Variants in ME1 observed in about 807,000 individuals in gnomAD.
ME1 encodes the protein malic enzyme 1.
ME1 carries 74 observed loss-of-function variants against 66.4 expected under a neutral mutation model. The ratio of observed to expected loss-of-function variants is 1.11; its 90% CI spans 0.92 to 1.35. ME1 has a LOEUF of 1.35. Among genes scored for constraint, ME1 ranks in the 40% most tolerant of loss-of-function variants. ME1 has a pLI of 0.00. For synonymous variants in ME1, 251 were observed against 235.6 expected, an observed-to-expected ratio of 1.07 and a Z score of -0.60; for missense variants, 750 against 694.1, an observed-to-expected ratio of 1.08 and a Z score of -0.90.
chr6:83,386,543 C>T (rs962390210), intron 3 of ME1, among the ~76,000 whole-genome samples: 1 of 151,936 alleles, frequency 6.6e-6, no homozygotes, highest in Non-Finnish European at 1.5e-5. Context: ...TGAAAAAAGG[C>T]TAGCTCCACA....
chr6:83,259,060 C>T lies in ME1; in HGVS notation c.705-5322G>A, dbSNP rs542912432. On this transcript the variant is annotated intron_variant, in intron 6 of 13. Coordinates refer to ENST00000369705, the MANE Select transcript of ME1 (RefSeq NM_002395.6). Reference sequence around the variant, plus strand: ...AACATGAATCTTTCTTTGATTATAACTGATCAAGAATTCACTGTAACCAGG... The same window carrying T: ...AACATGAATCTTTCTTTGATTATAATTGATCAAGAATTCACTGTAACCAGG... 5.9e-5 allele frequency among the ~76,000 whole-genome samples: 9 copies of T among 152,238 alleles called. No individual in the cohort carries two copies. In the South Asian group the frequency reaches 1.9e-3, roughly 32 times the overall value.
intron 1 of ME1, among the ~76,000 whole-genome samples, chr6:83,417,389 T>C (rs1374176718): frequency 1.3e-5 from 2 of 151,556 alleles, no homozygotes; most frequent in Non-Finnish European, 2.9e-5. Flanking sequence ...GTTGTTGTTG[T>C]TGTTGTTTTG....
intron 10 of ME1, among the ~76,000 whole-genome samples, chr6:83,228,480 A>G (rs927924662): frequency 4.6e-5 from 7 of 152,154 alleles, no homozygotes; most frequent in Non-Finnish European, 1.0e-4. Context: ...TAGTTAAGAC[A>G]ACTCAAAGCT....
At chr6:83,329,857 G>A (rs1254554623) in intron 5 of ME1, among the ~76,000 whole-genome samples, 1 of 152,064 alleles carries the variant, frequency 6.6e-6, no homozygotes, top group Non-Finnish European at 1.5e-5. Flanking sequence ...TTCTCACTCT[G>A]TTGTCTATCC....
At chr6:83,423,721 C>T (rs1770315347) in intron 1 of ME1, among the ~76,000 whole-genome samples, 1 of 152,050 alleles carries the variant, frequency 6.6e-6, no homozygotes, top group South Asian at 2.1e-4. Context: ...ATTGCTTGAG[C>T]CTTGAGGTCA....
At chr6:83,224,218 G>T (rs969645985) in intron 11 of ME1, among the ~76,000 whole-genome samples, 1 of 152,118 alleles carries the variant, frequency 6.6e-6, no homozygotes, top group Non-Finnish European at 1.5e-5. Flanking sequence ...TGGTTCAACC[G>T]ATAGGCTCAT....
intron 5 of ME1, among the ~76,000 whole-genome samples, chr6:83,333,198 T>C (rs1266996887): frequency 6.6e-6 from 1 of 152,204 alleles, no homozygotes; most frequent in Non-Finnish European, 1.5e-5. Context: ...TTATTCTGGA[T>C]AAGAAACTAA....
intron 7 of ME1, among the ~76,000 whole-genome samples, chr6:83,240,053 T>C (rs1684574902): frequency 1.3e-5 from 2 of 152,086 alleles, no homozygotes; most frequent in Non-Finnish European, 2.9e-5. Flanking sequence ...GCTATTAGAT[T>C]CTTCCGTCTA....
intron 3 of ME1, among the ~76,000 whole-genome samples, chr6:83,360,219 C>T (rs781065524): frequency 7.9e-5 from 12 of 152,142 alleles, no homozygotes; most frequent in Non-Finnish European, 1.3e-4. Flanking sequence ...AGTACATTAC[C>T]GACAATTTAT....
rs143832737 is a variant in ME1, at chr6:83,398,477, T to C, written c.252A>G (p.Lys84=). The change falls in exon 3 of 14, where the codon AAA becomes AAG. Residue 84 remains lysine (K), a synonymous_variant. Transcript: ENST00000369705. ...LLMDLQDRNE[K]LFYRVLTSDI... ...CAGATGTCAGCACTCTATAAAAGAG[T>C]TTTTCATTTCTATCTTGGAGATCCA... 6.4e-5 allele frequency: 101 copies of C among 1,576,660 alleles called. 1 individual carries two copies. In the African/African-American group the frequency reaches 1.3e-3, roughly 20 times the overall value.
At chr6:83,306,770 G>T (rs1370042484) in intron 6 of ME1, among the ~76,000 whole-genome samples, 1 of 151,972 alleles carries the variant, frequency 6.6e-6, no homozygotes, top group Non-Finnish European at 1.5e-5. Flanking sequence ...TATAATATGG[G>T]ATAGTCAGAA....
At chr6:83,248,607 C>T (rs138005199) in intron 7 of ME1, among the ~76,000 whole-genome samples, 4,432 of 152,050 alleles carry the variant, frequency 0.029, 187 homozygotes, top group African/African-American at 0.098. Flanking sequence ...ATCATGGGGG[C>T]GGTTTTACCC....
intron 5 of ME1, among the ~76,000 whole-genome samples, chr6:83,323,299 A>C (rs1768216748): frequency 6.6e-6 from 1 of 152,150 alleles, no homozygotes; most frequent in South Asian, 2.1e-4. Context: ...AATTCAAACA[A>C]CAATATTAAC....
chr6:83,212,695 G>A (rs1583321350), intron 13 of ME1, among the ~76,000 whole-genome samples: 1 of 140,628 alleles, frequency 7.1e-6, no homozygotes, highest in African/African-American at 3.0e-5. Context: ...GAACGATGCA[G>A]TAAACTTTCT....
Position 83,304,051 on chromosome 6 carries a change from C to T in ME1, c.704+11259G>A, listed in dbSNP as rs140085946. Among the ~76,000 whole-genome samples the T allele has an allele frequency of 7.0e-3, 1,070 of 152,238 alleles. 9 individuals carry two copies. The highest frequency in any genetic ancestry group is 0.01 in the Non-Finnish European group (709 of 68,010). Reference sequence around the variant, plus strand: ...TAAAAATTATAGTTACTATTTATAGCACTTGATAAAAGTAATTTGTTTTAT... The same window carrying T: ...TAAAAATTATAGTTACTATTTATAGTACTTGATAAAAGTAATTTGTTTTAT... On this transcript the variant is annotated intron_variant, in intron 6 of 13. Transcript: ENST00000369705.
At chr6:83,256,320 C>T (rs977127020) in intron 6 of ME1, among the ~76,000 whole-genome samples, 6 of 151,982 alleles carry the variant, frequency 3.9e-5, no homozygotes, top group Admixed American at 1.3e-4. Context: ...TTAATAGTAA[C>T]AATAGAAGCC....
chr6:83,249,384 G>A (rs1382505439), intron 7 of ME1, among the ~76,000 whole-genome samples: 1 of 151,956 alleles, frequency 6.6e-6, no homozygotes, highest in Non-Finnish European at 1.5e-5. Flanking sequence ...GCGCCACCAT[G>A]CTGGGCTAAT....
chr6:83,230,798 T>G (rs1425895247), intron 9 of ME1, among the ~76,000 whole-genome samples: 1 of 152,062 alleles, frequency 6.6e-6, no homozygotes, highest in Non-Finnish European at 1.5e-5. Context: ...CTGGGCGTGG[T>G]GGCAGGAGCC....
intron 5 of ME1, among the ~76,000 whole-genome samples, chr6:83,316,606 A>G (rs1335335967): frequency 6.6e-6 from 1 of 152,044 alleles, no homozygotes; most frequent in Non-Finnish European, 1.5e-5. Flanking sequence ...AGAAATATAG[A>G]TTGAAAAAAA....
Sources: gnomAD v4.1 joint callset for allele counts (sites outside exome capture counted in the v4.1 genomes callset) on GRCh38, gnomAD v4.1.1 for gene constraint, MANE v1.5 for transcripts, NCBI Gene and HGNC (gene_info 2026-07-23, HGNC 2026-07-21) for gene names.